FRAS1: variants seen among roughly 807,000 people sequenced by gnomAD.
FRAS1 encodes extracellular matrix organizing protein FRAS1.
A neutral mutation model predicts 435.2 loss-of-function variants in FRAS1; 290 were observed. The observed-to-expected ratio is 0.67, with a 90% CI of 0.61 to 0.73. The LOEUF is 0.73. Ranked by LOEUF, FRAS1 falls within the 30% of genes least tolerant of loss-of-function variation. The pLI, the probability that FRAS1 is intolerant of heterozygous loss-of-function variation, is 0.00. For synonymous variants in FRAS1, 1,800 were observed against 1,851.0 expected (o/e 0.97, Z 0.71); for missense variants, 4,860 against 5,001.5 (o/e 0.97, Z 0.85).
chr4:78,125,016 C>G (rs1719261482), intron 2 of FRAS1, among the ~76,000 whole-genome samples: 1 of 151,986 alleles, frequency 6.6e-6, no homozygotes, highest in Admixed American at 6.5e-5. Context: ...TTAGTTATTT[C>G]TTGTCTTCTG....
At chr4:78,337,916 T>A (rs746104962) in intron 20 of FRAS1, 99 bp downstream of exon 20, 5 of 1,161,706 alleles carry the variant, frequency 4.3e-6, no homozygotes, top group Non-Finnish European at 6.4e-6. Context: ...GTTTATGAGC[T>A]CTTTTATAGG....
intron 2 of FRAS1, among the ~76,000 whole-genome samples, chr4:78,200,172 T>C (rs1282051555): frequency 6.6e-6 from 1 of 152,236 alleles, no homozygotes; most frequent in Non-Finnish European, 1.5e-5. Context: ...GATGAAATGT[T>C]ACTGTCGACA....
At chr4:78,532,716 A>G (rs1023027071) in intron 70 of FRAS1, among the ~76,000 whole-genome samples, 7 of 152,234 alleles carry the variant, frequency 4.6e-5, no homozygotes, top group African/African-American at 1.7e-4. Flanking sequence ...ATGATTCCAT[A>G]TATAAGTGAA....
At chr4:78,114,610 C>G (rs567248633) in intron 2 of FRAS1, among the ~76,000 whole-genome samples, 255 of 151,808 alleles carry the variant, frequency 1.7e-3, no homozygotes, top group Middle Eastern at 3.4e-3. Flanking sequence ...GGGGTTCACT[C>G]ATGATTTGGC....
chr4:78,243,080 A>G (rs1388384658), intron 3 of FRAS1, among the ~76,000 whole-genome samples: 6 of 152,202 alleles, frequency 3.9e-5, no homozygotes, highest in African/African-American at 1.4e-4. Context: ...ACAAAAGACA[A>G]TGCCATTCAA....
intron 2 of FRAS1, among the ~76,000 whole-genome samples, chr4:78,160,231 G>A (rs1235526058): frequency 6.6e-6 from 1 of 152,188 alleles, no homozygotes; most frequent in Non-Finnish European, 1.5e-5. Flanking sequence ...AAAGAAATAC[G>A]TTTTAAATGT....
In FRAS1 at chr4:78,108,888, T is replaced by C. The variant is rs1288422671; in HGVS notation, c.108+42872T>C. On this transcript the variant is annotated intron_variant, in intron 2 of 73. Transcript: ENST00000512123. The stretch of plus-strand genomic sequence containing the variant: ...AAGAAAAAAAGAGAGAAGAATCAAA[T>C]AGACACAATAAAAAATGATAAAGGG... Among the ~76,000 whole-genome samples, 4 of 125,160 alleles carry C rather than the reference T, an allele frequency of 3.2e-5. 1 individual carries two copies. Among genetic ancestry groups the C allele is most frequent in the Non-Finnish European group, 5.0e-5 (3 of 60,072 alleles). 82.1% of individuals were successfully genotyped at this position (125,160 alleles called of 152,430 possible). A position where few individuals can be genotyped will look rare whatever the true frequency, so the allele number is the denominator to read the frequency against.
At chr4:78,144,520 C>A (rs1720335094) in intron 2 of FRAS1, among the ~76,000 whole-genome samples, 1 of 150,548 alleles carries the variant, frequency 6.6e-6, no homozygotes, top group African/African-American at 2.4e-5. Context: ...GATACAAGTA[C>A]TTTTGTAGCT....
intron 1 of FRAS1, among the ~76,000 whole-genome samples, chr4:78,063,611 T>C (rs1192565521): frequency 6.6e-6 from 1 of 152,232 alleles, no homozygotes; most frequent in Admixed American, 6.5e-5. Context: ...TGCCCAGGTA[T>C]AGATGTGGTG....
Position 78,379,956 on chromosome 4 carries a change from G to C in FRAS1, c.3523G>C (p.Glu1175Gln). ...AGRFSWKDVN[E>Q]KKVRFVHSKE... Reference sequence around the variant, plus strand: ...CCGTTTTAGCTGGAAAGATGTGAACGAGAAGAAAGTGCGTTTTGTGCACAG... The same window carrying C: ...CCGTTTTAGCTGGAAAGATGTGAACCAGAAGAAAGTGCGTTTTGTGCACAG... Residue 1175 changes from glutamate to glutamine, a missense_variant, in exon 27 of 74, where the codon GAG (glutamate) becomes CAG (glutamine). Glu to Gln is a conservative substitution (Grantham distance 29). Transcript: ENST00000512123. The C allele has an allele frequency of 6.2e-7, 1 of 1,613,596 alleles. No individual in the cohort carries two copies. Among genetic ancestry groups the C allele is most frequent in the South Asian group, 1.1e-5 (1 of 90,968 alleles).
chr4:78,492,365 G>A (rs1720376002), intron 59 of FRAS1, among the ~76,000 whole-genome samples: 1 of 152,162 alleles, frequency 6.6e-6, no homozygotes, highest in Non-Finnish European at 1.5e-5. Flanking sequence ...GAACAAAGCT[G>A]GGGGCATCAC....
At chr4:78,112,972 C>G (rs2109941900) in intron 2 of FRAS1, among the ~76,000 whole-genome samples, 1 of 152,238 alleles carries the variant, frequency 6.6e-6, no homozygotes, top group Admixed American at 6.5e-5. Context: ...TGCTATCCCT[C>G]CCCGCTCCCT....
intron 61 of FRAS1, 129 bp from the exon 62 acceptor site, chr4:78,507,292 C>T: frequency 1.1e-5 from 9 of 811,606 alleles, no homozygotes; most frequent in Middle Eastern, 5.3e-4. Flanking sequence ...GCAGCCACTG[C>T]GTTTATAGAA....
At position 78,542,238 on chromosome 4, in the gene FRAS1, CTCTTTGAGGGGTTCTTT is replaced by C. The variant is rs1722078093; in HGVS notation, c.*1118_*1134del. On this transcript the variant is annotated 3_prime_UTR_variant, in exon 74 of 74. Transcript: ENST00000512123. ...TCCTGGTGCAGTATTTCAGGGATTTCTCTTTGAGGGGTTCTTTTCTGGTAGCTCAGGCAATTATTTTT... is the reference window on the plus strand; with the variant it reads ...TCCTGGTGCAGTATTTCAGGGATTTCTCTGGTAGCTCAGGCAATTATTTTT... 6.6e-6 allele frequency: 1 copy of C among 152,194 alleles called. No individual in the cohort carries two copies. Among genetic ancestry groups the C allele is most frequent in the East Asian group, 1.9e-4 (1 of 5,196 alleles). The allele number at this position is 152,194 out of a possible 1,614,324, so 9.4% of individuals were successfully genotyped here.
intron 41 of FRAS1, 147 bp from the exon 42 acceptor site, chr4:78,445,375 T>A (rs1412690999): frequency 2.9e-6 from 3 of 1,046,114 alleles, no homozygotes; most frequent in East Asian, 5.7e-5. Context: ...TTCCAATTCC[T>A]GGTCTTGTGC....
intron 20 of FRAS1, among the ~76,000 whole-genome samples, chr4:78,344,912 T>TCTATTTGTAGAAATA (rs1374614613): frequency 2.0e-5 from 3 of 152,240 alleles, no homozygotes; most frequent in Admixed American, 6.5e-5. Flanking sequence ...TCAGTTGTAG[T>TCTATTTGTAGAAATA]CAACAGCTAT....
chr4:78,458,871 A>G (rs914168887), intron 47 of FRAS1, among the ~76,000 whole-genome samples: 3 of 152,218 alleles, frequency 2.0e-5, no homozygotes, highest in Admixed American at 1.3e-4. Context: ...AATACAATGA[A>G]ATAAGGCAGT....
Position 78,282,868 on chromosome 4 carries a change from G to A in FRAS1, c.1156G>A (p.Gly386Arg), listed in dbSNP as rs1727397963. The A allele has an allele frequency of 6.2e-7, 1 of 1,613,014 alleles. No individual in the cohort carries two copies. Among genetic ancestry groups the A allele is most frequent in the Non-Finnish European group, 8.5e-7 (1 of 1,179,682 alleles). The change falls in exon 12 of 74, where the codon GGG (glycine) becomes AGG (arginine). Residue 386 changes from glycine to arginine, a missense_variant. Coordinates refer to ENST00000512123, the MANE Select transcript of FRAS1 (RefSeq NM_025074.7). ...DGPCKVCECR[G>R]AQVTCYEPSC... ...CCCTTGCAAGGTGTGTGAGTGCCGA[G>A]GGGCTCAGGTAACTTGCTACGAGCC...
chr4:78,382,723 C>A, intron 27 of FRAS1, among the ~76,000 whole-genome samples: 1 of 152,196 alleles, frequency 6.6e-6, no homozygotes. Flanking sequence ...ATTTTAATAA[C>A]TGTATACAGT....
Sources: allele counts gnomAD v4.1 joint callset (sites outside exome capture counted in the v4.1 genomes callset), GRCh38; gene constraint gnomAD v4.1.1; transcripts MANE v1.5; gene names NCBI Gene and HGNC (gene_info 2026-07-23, HGNC 2026-07-21).